NIPBL: variants seen among roughly 807,000 people sequenced by gnomAD.
NIPBL encodes the protein NIPBL cohesin loading factor.
Under a neutral mutation model 321.8 loss-of-function variants are expected in NIPBL, and 19 were observed. The observed-to-expected ratio is 0.06, with a 90% CI of 0.04 to 0.09. The LOEUF is 0.09. Among genes scored for constraint, NIPBL ranks in the 10% least tolerant of loss-of-function variants. The pLI is 1.00. For synonymous variants in NIPBL, 1,106 were observed against 1,114.1 expected (o/e 0.99, Z 0.14); for missense variants, 2,210 against 3,327.0 (o/e 0.66, Z 8.26).
intron 1 of NIPBL, among the ~76,000 whole-genome samples, chr5:36,927,104 T>C (rs1265956614): frequency 6.6e-6 from 1 of 152,188 alleles, no homozygotes; most frequent in Non-Finnish European, 1.5e-5. Flanking sequence ...TGATTAACAG[T>C]GTACTATCAT....
At chr5:36,894,366 A>G (rs1045900544) in intron 1 of NIPBL, among the ~76,000 whole-genome samples, 2 of 152,192 alleles carry the variant, frequency 1.3e-5, no homozygotes, top group Non-Finnish European at 2.9e-5. Context: ...GAGAAGTTTG[A>G]TTTAACCTTT....
At chr5:36,892,265 G>A (rs918841969) in intron 1 of NIPBL, among the ~76,000 whole-genome samples, 3 of 152,106 alleles carry the variant, frequency 2.0e-5, no homozygotes, top group South Asian at 2.1e-4. Flanking sequence ...TTAGAATGGC[G>A]ATCATTAAAA....
chr5:36,918,296 G>A (rs563871586), intron 1 of NIPBL, among the ~76,000 whole-genome samples: 1 of 152,130 alleles, frequency 6.6e-6, no homozygotes, highest in South Asian at 2.1e-4. Context: ...ACTGTGAGTG[G>A]GAGTTCACTC....
chr5:37,045,681 G>T, intron 37 of NIPBL, 84 bp downstream of exon 37: 1 of 1,382,280 alleles, frequency 7.2e-7, no homozygotes, highest in Non-Finnish European at 1.0e-6. Flanking sequence ...GACCCAGGAT[G>T]AAGGCAACAT....
chr5:36,970,590 C>G (rs893786366), intron 6 of NIPBL, among the ~76,000 whole-genome samples: 2 of 151,592 alleles, frequency 1.3e-5, no homozygotes, highest in Admixed American at 6.6e-5. Context: ...AGAATAAACT[C>G]AGATCAAAAT....
At chr5:36,893,900 G>GA (rs978282246) in intron 1 of NIPBL, among the ~76,000 whole-genome samples, 15 of 152,138 alleles carry the variant, frequency 9.9e-5, no homozygotes, top group East Asian at 1.9e-4. Flanking sequence ...GAATTTGGTA[G>GA]AAAAAATTCA....
chr5:37,010,723 T>C (rs1306923268), intron 21 of NIPBL, among the ~76,000 whole-genome samples: 1 of 152,192 alleles, frequency 6.6e-6, no homozygotes, highest in Non-Finnish European at 1.5e-5. Context: ...TCATAAAACA[T>C]ATAAATCATT....
chr5:37,013,573 T>C (rs1289957307), intron 21 of NIPBL, among the ~76,000 whole-genome samples: 1 of 143,428 alleles, frequency 7.0e-6, no homozygotes, highest in African/African-American at 2.7e-5. Context: ...CCGGACGGGG[T>C]GGCAGGGCAG....
At chr5:37,005,833 GTC>G (rs1178290470) in intron 16 of NIPBL, among the ~76,000 whole-genome samples, 1 of 152,082 alleles carries the variant, frequency 6.6e-6, no homozygotes, top group Non-Finnish European at 1.5e-5. Context: ...TTTAAAAAAA[GTC>G]TTCATTAGTC....
intron 9 of NIPBL, among the ~76,000 whole-genome samples, chr5:36,977,952 T>C (rs1381683076): frequency 6.6e-6 from 1 of 151,938 alleles, no homozygotes; most frequent in Non-Finnish European, 1.5e-5. Context: ...CATTCTTCTT[T>C]ATGATTGTGT....
At chr5:36,904,924 G>A (rs573231669) in intron 1 of NIPBL, among the ~76,000 whole-genome samples, 7 of 152,300 alleles carry the variant, frequency 4.6e-5, no homozygotes, top group Admixed American at 3.9e-4. Flanking sequence ...TTTGTTAGAA[G>A]TAAACACACA....
Position 37,049,713 on chromosome 5 carries a change from C to T in NIPBL, c.6954+412C>T, listed in dbSNP as rs1249654670. ...GTAAATTATATAAACTCAATTCCTT[C>T]ATCTTTAAGTTGGGTATAACACCAA... On this transcript the variant is annotated intron_variant, in intron 40 of 46. Coordinates refer to ENST00000282516, the MANE Select transcript of NIPBL (RefSeq NM_133433.4). 2.0e-5 allele frequency among the ~76,000 whole-genome samples: 3 copies of T among 152,152 alleles called. No homozygotes were observed. The East Asian group carries it at 5.8e-4, about 29-fold the overall frequency.
At chr5:36,917,293 T>C (rs1210429111) in intron 1 of NIPBL, among the ~76,000 whole-genome samples, 1 of 152,264 alleles carries the variant, frequency 6.6e-6, no homozygotes, top group African/African-American at 2.4e-5. Flanking sequence ...ATGTCTTCTT[T>C]TGAGAAGTGT....
chr5:36,943,062 A>AT (rs1350884045), intron 1 of NIPBL, among the ~76,000 whole-genome samples: 1 of 152,004 alleles, frequency 6.6e-6, no homozygotes, highest in Admixed American at 6.6e-5. Flanking sequence ...TTTTTGTTGT[A>AT]TTTTTTATTG....
intron 1 of NIPBL, among the ~76,000 whole-genome samples, chr5:36,952,053 T>TGTGTGTGTGTGTGTGTGTGCGCGCGCGC (rs778597604): frequency 8.9e-6 from 1 of 112,112 alleles, no homozygotes; most frequent in Non-Finnish European, 1.9e-5. Flanking sequence ...TGTGTGTGTG[T>TGTGTGTGTGTGTGTGTGTGCGCGCGCGC]GCGCGCGCGC....
chr5:37,036,500 A>G lies in NIPBL; in HGVS notation c.5971+13A>G, dbSNP rs751578529. ...GAATCTCTAGCTGGTAAGACATTTTATATATATATTGATCTTTAGTTGATT... is the reference window on the plus strand; with the variant it reads ...GAATCTCTAGCTGGTAAGACATTTTGTATATATATTGATCTTTAGTTGATT... On this transcript the variant is annotated intron_variant, in intron 33 of 46. Coordinates refer to ENST00000282516, the MANE Select transcript of NIPBL (RefSeq NM_133433.4). 1.9e-6 allele frequency: 2 copies of G among 1,061,200 alleles called. No individual in the cohort carries two copies. Among genetic ancestry groups the G allele is most frequent in the Non-Finnish European group, 2.7e-6 (2 of 739,986 alleles). The allele number at this position is 1,061,200 out of a possible 1,614,324, so 65.7% of individuals were successfully genotyped here.
At chr5:36,966,783 T>C (rs1742255870) in intron 6 of NIPBL, among the ~76,000 whole-genome samples, 1 of 152,076 alleles carries the variant, frequency 6.6e-6, no homozygotes, top group Non-Finnish European at 1.5e-5. Context: ...TCTAGGTATT[T>C]TGCAATTTTA....
chr5:36,933,182 T>C (rs953846958), intron 1 of NIPBL, among the ~76,000 whole-genome samples: 2 of 152,118 alleles, frequency 1.3e-5, no homozygotes, highest in African/African-American at 4.8e-5. Flanking sequence ...TTTTTAAAAA[T>C]GTACTGTTTT....
chr5:37,062,004 G>A (rs182049769), intron 45 of NIPBL, among the ~76,000 whole-genome samples: 1 of 152,106 alleles, frequency 6.6e-6, no homozygotes, highest in South Asian at 2.1e-4. Context: ...ACCACGCCCG[G>A]CTAATTTTTG....
Sources: gnomAD v4.1 joint callset for allele counts (sites outside exome capture counted in the v4.1 genomes callset) on GRCh38, gnomAD v4.1.1 for gene constraint, MANE v1.5 for transcripts, NCBI Gene and HGNC (gene_info 2026-07-23, HGNC 2026-07-21) for gene names.